The following SYTL5 variants were observed in gnomAD, a reference collection of about 807,000 sequenced individuals.
SYTL5 encodes the protein synaptotagmin-like protein 5.
In SYTL5, 34 loss-of-function variants were observed where a neutral mutation model predicts 55.9. That is an observed-to-expected ratio of 0.61 (90% CI 0.46 to 0.81). The LOEUF (loss-of-function observed/expected upper bound fraction) is 0.81, where lower values mean the gene tolerates loss of function less well. Ranked by LOEUF, SYTL5 falls within the 30% of genes least tolerant of loss-of-function variation. SYTL5 has a pLI of 0.00. For synonymous variants in SYTL5, 221 were observed against 188.7 expected (o/e 1.17, Z -1.40); for missense variants, 637 against 546.7 (o/e 1.17, Z -1.65).
At position 38,106,676 on chromosome X, in the gene SYTL5, T is replaced by C; in HGVS notation, c.1239T>C (p.His413=). 1 of 1,209,315 alleles carries C rather than the reference T, an allele frequency of 8.3e-7. No individual in the cohort carries two copies. The highest frequency in any genetic ancestry group is 1.8e-5 in the South Asian group (1 of 56,352). Residue 413 remains histidine, a synonymous_variant, in exon 11 of 17, where the codon CAT becomes CAC. Transcript: ENST00000297875. The stretch of plus-strand genomic sequence containing the variant: ...AAGTCAGTGGTGAAATCCTTCTCCA[T>C]ATCAGCTACTGCTACAAAACTGGTG... ...NVKVSGEILL[H]ISYCYKTGGL...
chrX:38,034,167 C>T (rs1455375012), intron 2 of SYTL5, among the ~76,000 whole-genome samples, 159 bp downstream of exon 2: 1 of 112,007 alleles, frequency 8.9e-6, no homozygotes, highest in Non-Finnish European at 1.9e-5. Context: ...AAAACTTTGG[C>T]ATTTCACCAT....
the SYTL5 span, among the ~76,000 whole-genome samples, chrX:37,948,996 T>C: frequency 1.8e-5 from 2 of 111,615 alleles, no homozygotes; most frequent in African/African-American, 6.5e-5. Context: ...TTCAGTCATG[T>C]TATCTGATAT....
In SYTL5 at chrX:38,054,378, A is replaced by T. The variant is rs770079186; in HGVS notation, c.285A>T (p.Ala95=). 4 of 1,211,740 alleles carry T rather than the reference A, an allele frequency of 3.3e-6. No individual in the cohort carries two copies. In the South Asian group the frequency reaches 7.0e-5, roughly 21 times the overall value. The part of the protein sequence containing the change: ...SLRVCRECRV[A]GPNGSWKCTV... The stretch of plus-strand genomic sequence containing the variant: ...GGGTATGCAGGGAGTGTCGAGTTGC[A>T]GGCCCCAATGGCAGCTGGAAGTGCA... Residue 95 remains alanine (A), a synonymous_variant, in exon 3 of 17, where the codon GCA becomes GCT. Coordinates refer to ENST00000297875, the MANE Select transcript of SYTL5 (RefSeq NM_138780.3).
chrX:37,912,316 A>C, the SYTL5 span, among the ~76,000 whole-genome samples: 2 of 111,911 alleles, frequency 1.8e-5, no homozygotes, highest in Non-Finnish European at 3.8e-5. Context: ...TGGATACAAC[A>C]AGCCCAATGC....
intron 5 of SYTL5, 148 bp from the exon 6 acceptor site, chrX:38,076,419 A>C: frequency 2.2e-6 from 1 of 454,405 alleles, no homozygotes; most frequent in Non-Finnish European, 3.6e-6. Context: ...TTGCAGAGGC[A>C]CTGGGAACTC....
At chrX:38,057,515 T>C (rs1394536209) in intron 3 of SYTL5, among the ~76,000 whole-genome samples, 1 of 111,817 alleles carries the variant, frequency 8.9e-6, no homozygotes, top group Non-Finnish European at 1.9e-5. Flanking sequence ...ATGTAAATTT[T>C]AAGATTGTTT....
chrX:37,957,295 G>A, the SYTL5 span, among the ~76,000 whole-genome samples: 1 of 111,163 alleles, frequency 9.0e-6, no homozygotes, highest in South Asian at 3.8e-4. Flanking sequence ...AGTCCCCTTT[G>A]TCTATTTTTT....
At chrX:37,892,225 G>C in the SYTL5 span, among the ~76,000 whole-genome samples, 1 of 110,239 alleles carries the variant, frequency 9.1e-6, no homozygotes, top group South Asian at 3.7e-4. Context: ...CTTCTGGCTA[G>C]ATAGATAACA....
At chrX:38,101,507 A>G (rs1473324815) in intron 9 of SYTL5, among the ~76,000 whole-genome samples, 1 of 110,992 alleles carries the variant, frequency 9.0e-6, no homozygotes, top group East Asian at 2.8e-4. Flanking sequence ...AAAGACATGG[A>G]ATGTAACATG....
At chrX:37,936,237 A>T in the SYTL5 span, among the ~76,000 whole-genome samples, 5 of 112,450 alleles carry the variant, frequency 4.4e-5, no homozygotes, top group Admixed American at 4.7e-4. Context: ...AAATTGACAG[A>T]AAAACGTATG....
At chrX:37,920,612 T>C in the SYTL5 span, among the ~76,000 whole-genome samples, 10,575 of 111,039 alleles carry the variant, frequency 0.095, 764 homozygotes, top group African/African-American at 0.24. Flanking sequence ...CCAGAATTCT[T>C]GTGGTTTGCT....
At chrX:37,928,073 A>G in the SYTL5 span, among the ~76,000 whole-genome samples, 3 of 112,454 alleles carry the variant, frequency 2.7e-5, no homozygotes, top group Admixed American at 1.9e-4. Context: ...TAAATATTTT[A>G]CATGAATTGC....
the SYTL5 span, among the ~76,000 whole-genome samples, chrX:37,944,575 G>C: frequency 5.4e-5 from 6 of 111,449 alleles, no homozygotes; most frequent in African/African-American, 1.6e-4. Flanking sequence ...CCCATGCCAA[G>C]TGGGCAGTGG....
chrX:38,002,378 T>C (rs764881512), upstream of SYTL5, among the ~76,000 whole-genome samples: 42 of 111,815 alleles, frequency 3.8e-4, no homozygotes, highest in African/African-American at 1.4e-3. Context: ...TGGGTATATA[T>C]CCAGTAATGG....
intron 1 of SYTL5, among the ~76,000 whole-genome samples, chrX:38,021,126 C>T (rs1416632362): frequency 1.8e-5 from 2 of 111,571 alleles, no homozygotes; most frequent in Non-Finnish European, 3.8e-5. Flanking sequence ...TTATAAACCC[C>T]TGAAATTACC....
At chrX:37,989,908 T>A in the SYTL5 span, among the ~76,000 whole-genome samples, 3 of 110,619 alleles carry the variant, frequency 2.7e-5, no homozygotes, top group Non-Finnish European at 5.7e-5. Flanking sequence ...AGTCCCGCTC[T>A]GTCTCCCAGG....
At chrX:38,071,836 A>C (rs1227499838) in intron 3 of SYTL5, among the ~76,000 whole-genome samples, 1 of 112,286 alleles carries the variant, frequency 8.9e-6, no homozygotes, top group Non-Finnish European at 1.9e-5. Context: ...ATGTGGATAA[A>C]AATATATGAA....
the SYTL5 span, among the ~76,000 whole-genome samples, chrX:37,944,683 T>C: frequency 4.5e-5 from 5 of 112,197 alleles, no homozygotes; most frequent in African/African-American, 1.6e-4. Context: ...TAGGAGTAGG[T>C]AGAATAATGC....
chrX:37,962,832 C>T, the SYTL5 span, among the ~76,000 whole-genome samples: 1 of 112,026 alleles, frequency 8.9e-6, no homozygotes, highest in Non-Finnish European at 1.9e-5. Context: ...AATAAAGCCT[C>T]CAGTACAATC....
Sources: allele counts gnomAD v4.1 joint callset (sites outside exome capture counted in the v4.1 genomes callset), GRCh38; gene constraint gnomAD v4.1.1; transcripts MANE v1.5; gene names NCBI Gene and HGNC (gene_info 2026-07-23, HGNC 2026-07-21).